Variants in SHANK2 observed in about 807,000 individuals in gnomAD.
The protein encoded by SHANK2 is SH3 and multiple ankyrin repeat domains 2.
In SHANK2, 43 loss-of-function variants were observed where a neutral mutation model predicts 133.7. The ratio of observed to expected loss-of-function variants is 0.32; its 90% CI spans 0.25 to 0.41. The LOEUF (loss-of-function observed/expected upper bound fraction) is 0.41, where lower values mean the gene tolerates loss of function less well. Ranked by LOEUF, SHANK2 falls within the 10% of genes least tolerant of loss-of-function variation. The pLI is 1.00. For synonymous variants in SHANK2, 1,017 were observed against 952.8 expected (o/e 1.07, Z -1.24); for missense variants, 1,994 against 2,235.8 (o/e 0.89, Z 2.18).
chr11:71,113,462 A>G, intron 4 of SHANK2, 98 bp from the exon 5 acceptor site: 1 of 1,083,372 alleles, frequency 9.2e-7, no homozygotes. Flanking sequence ...GTCACAGAAG[A>G]CGGGGAACCC....
intron 6 of SHANK2, among the ~76,000 whole-genome samples, chr11:71,097,715 G>A (rs1328465412): frequency 1.3e-5 from 2 of 152,052 alleles, no homozygotes; most frequent in African/African-American, 2.4e-5. Flanking sequence ...ACGGCTGTTT[G>A]TCCTGACACT....
At chr11:71,185,061 A>T (rs907275159) in intron 2 of SHANK2, among the ~76,000 whole-genome samples, 10 of 152,120 alleles carry the variant, frequency 6.6e-5, no homozygotes, top group Non-Finnish European at 1.3e-4. Flanking sequence ...CTCTCAGCCG[A>T]TCAACCATCT....
At chr11:70,558,847 A>G (rs1482723051) in intron 17 of SHANK2, among the ~76,000 whole-genome samples, 1 of 152,220 alleles carries the variant, frequency 6.6e-6, no homozygotes, top group East Asian at 1.9e-4. Flanking sequence ...GACGTGAAAG[A>G]AAACAGCAGC....
At chr11:71,082,876 C>G (rs1412446155) in intron 8 of SHANK2, among the ~76,000 whole-genome samples, 1 of 152,144 alleles carries the variant, frequency 6.6e-6, no homozygotes, top group African/African-American at 2.4e-5. Flanking sequence ...GGAGCAAAAT[C>G]AAACGAGGGG....
intron 2 of SHANK2, among the ~76,000 whole-genome samples, chr11:71,161,890 A>T (rs1555109972): frequency 6.6e-6 from 1 of 152,130 alleles, no homozygotes; most frequent in African/African-American, 2.4e-5. Context: ...AGAGTTGACT[A>T]TTTTTCATTG....
chr11:71,140,560 G>A (rs571065895), intron 3 of SHANK2, among the ~76,000 whole-genome samples: 9 of 152,332 alleles, frequency 5.9e-5, no homozygotes, highest in South Asian at 2.1e-4. Flanking sequence ...TGAGATGACC[G>A]GGGCCTCCCT....
chr11:70,510,341 A>T (rs900326512), intron 17 of SHANK2, among the ~76,000 whole-genome samples: 16 of 152,152 alleles, frequency 1.1e-4, no homozygotes, highest in African/African-American at 3.9e-4. Context: ...TTGGAAAATG[A>T]CTGCCGCAGC....
chr11:70,769,147 G>A (rs904706661), intron 14 of SHANK2, among the ~76,000 whole-genome samples: 1 of 152,132 alleles, frequency 6.6e-6, no homozygotes, highest in Non-Finnish European at 1.5e-5. Context: ...GTGAATGAAT[G>A]GGTGGGTGGG....
intron 2 of SHANK2, among the ~76,000 whole-genome samples, chr11:71,214,780 A>T (rs1351149082): frequency 1.2e-4 from 18 of 152,190 alleles, no homozygotes; most frequent in Non-Finnish European, 2.4e-4. Flanking sequence ...GGACCCATGC[A>T]GCTGTCCTCT....
intron 17 of SHANK2, among the ~76,000 whole-genome samples, chr11:70,546,413 G>C (rs2059697745): frequency 6.6e-6 from 1 of 152,102 alleles, no homozygotes; most frequent in African/African-American, 2.4e-5. Flanking sequence ...CCTCCCCTAA[G>C]TATCATCTCA....
intron 14 of SHANK2, among the ~76,000 whole-genome samples, chr11:70,745,454 G>A (rs760066388): frequency 1.3e-5 from 2 of 152,136 alleles, no homozygotes; most frequent in Non-Finnish European, 2.9e-5. Flanking sequence ...AAACCTCCGG[G>A]CCTCCGTCCC....
intron 15 of SHANK2, among the ~76,000 whole-genome samples, chr11:70,690,041 A>T (rs1555020597): frequency 6.6e-6 from 1 of 152,158 alleles, no homozygotes; most frequent in Non-Finnish European, 1.5e-5. Flanking sequence ...GAAGTGGAGG[A>T]TGTATCCTGA....
chr11:70,898,834 G>A (rs1218617138), intron 10 of SHANK2, among the ~76,000 whole-genome samples: 1 of 152,186 alleles, frequency 6.6e-6, no homozygotes, highest in Admixed American at 6.5e-5. Context: ...AACACTGAGG[G>A]TATGGCTGGA....
chr11:71,223,368 T>C (rs1245047293), intron 2 of SHANK2, among the ~76,000 whole-genome samples: 3 of 152,220 alleles, frequency 2.0e-5, no homozygotes, highest in Non-Finnish European at 4.4e-5. Flanking sequence ...GTGGCTTCAG[T>C]TACCCTGAAC....
intron 17 of SHANK2, among the ~76,000 whole-genome samples, chr11:70,622,904 C>A (rs527626081): frequency 4.6e-5 from 7 of 152,280 alleles, no homozygotes; most frequent in African/African-American, 1.7e-4. Flanking sequence ...CAGCCAGGTG[C>A]GGTGGCTCAC....
chr11:70,506,641 C>T (rs1301754481), intron 17 of SHANK2, among the ~76,000 whole-genome samples: 6 of 152,178 alleles, frequency 3.9e-5, no homozygotes, highest in Admixed American at 6.5e-5. Context: ...TTGCTTTGGA[C>T]GAGCTTCCCT....
chr11:70,758,738 A>T (rs1397488267), intron 14 of SHANK2, among the ~76,000 whole-genome samples: 1 of 152,130 alleles, frequency 6.6e-6, no homozygotes, highest in East Asian at 1.9e-4. Context: ...GGCTGCTGGC[A>T]CCCCTCAGCA....
At chr11:70,701,820 T>C (rs1273595455) in intron 14 of SHANK2, among the ~76,000 whole-genome samples, 1 of 152,168 alleles carries the variant, frequency 6.6e-6, no homozygotes, top group African/African-American at 2.4e-5. Context: ...CTCTGGGATA[T>C]GGTCCCTAAG....
At chr11:70,806,416 A>C (rs368849195) in intron 13 of SHANK2, among the ~76,000 whole-genome samples, 1 of 152,176 alleles carries the variant, frequency 6.6e-6, no homozygotes, top group Non-Finnish European at 1.5e-5. Flanking sequence ...AGTGCTTCAC[A>C]CACCTGACTT....
Sources: allele counts gnomAD v4.1 joint callset (sites outside exome capture counted in the v4.1 genomes callset), GRCh38; gene constraint gnomAD v4.1.1; transcripts MANE v1.5; gene names NCBI Gene and HGNC (gene_info 2026-07-23, HGNC 2026-07-21).